SLC35F4: variants seen among roughly 807,000 people sequenced by gnomAD.
SLC35F4 encodes solute carrier family 35 member F4.
A neutral mutation model predicts 44.2 loss-of-function variants in SLC35F4; 24 were observed. That is an observed-to-expected ratio of 0.54 (90% CI 0.39 to 0.76). The LOEUF is 0.76. SLC35F4 is among the 30% of genes least tolerant of loss of function. The pLI is 0.00. For synonymous variants in SLC35F4, 238 were observed against 223.6 expected, an observed-to-expected ratio of 1.06 and a Z score of -0.57; for missense variants, 562 against 586.1, an observed-to-expected ratio of 0.96 and a Z score of 0.42.
At chr14:57,702,104 T>A (rs1349422685) in intron 1 of SLC35F4, among the ~76,000 whole-genome samples, 2 of 152,162 alleles carry the variant, frequency 1.3e-5, no homozygotes, top group Non-Finnish European at 2.9e-5. Context: ...AAAACAAACT[T>A]CTGCAAAGGC....
intron 1 of SLC35F4, among the ~76,000 whole-genome samples, chr14:57,651,340 A>G (rs551241568): frequency 2.2e-4 from 34 of 152,248 alleles, no homozygotes; most frequent in African/African-American, 7.0e-4. Context: ...TATTCTGACT[A>G]CCAAGAATTC....
intron 1 of SLC35F4, among the ~76,000 whole-genome samples, chr14:57,755,781 C>A (rs916165928): frequency 6.6e-6 from 1 of 152,182 alleles, no homozygotes. Context: ...TCACAATGAT[C>A]CCGCAAGGCA....
intron 1 of SLC35F4, among the ~76,000 whole-genome samples, chr14:57,883,820 C>T (rs753501232): frequency 6.6e-6 from 1 of 152,118 alleles, no homozygotes; most frequent in African/African-American, 2.4e-5. Context: ...TATTGAAGTG[C>T]TAATATAGTT....
chr14:57,699,090 C>A (rs1261197522), intron 1 of SLC35F4, among the ~76,000 whole-genome samples: 3 of 152,084 alleles, frequency 2.0e-5, no homozygotes, highest in Admixed American at 2.0e-4. Flanking sequence ...TGTAAGTCTG[C>A]CTTCTGTAGG....
intron 6 of SLC35F4, 119 bp from the exon 7 acceptor site, chr14:57,566,683 T>C (rs2068224282): frequency 2.1e-6 from 2 of 957,946 alleles, no homozygotes; most frequent in Non-Finnish European, 1.6e-6. Context: ...TCTATACCTT[T>C]GATCCTCTAA....
chr14:57,739,931 C>A (rs1186349138), intron 1 of SLC35F4, among the ~76,000 whole-genome samples: 1 of 152,186 alleles, frequency 6.6e-6, no homozygotes, highest in Non-Finnish European at 1.5e-5. Context: ...GTGATCTTGG[C>A]TCACCGAAAC....
At chr14:57,741,293 G>C (rs779802931) in intron 1 of SLC35F4, among the ~76,000 whole-genome samples, 1 of 152,176 alleles carries the variant, frequency 6.6e-6, no homozygotes, top group Non-Finnish European at 1.5e-5. Context: ...ACTTCTCCGA[G>C]CTAAAGGAGG....
At chr14:57,627,442 A>C (rs1365044283) in intron 1 of SLC35F4, among the ~76,000 whole-genome samples, 1 of 152,122 alleles carries the variant, frequency 6.6e-6, no homozygotes, top group Non-Finnish European at 1.5e-5. Context: ...TCCTTGGACC[A>C]GGGCTAAACA....
intron 1 of SLC35F4, among the ~76,000 whole-genome samples, chr14:57,680,008 C>T (rs2074839637): frequency 6.6e-6 from 1 of 152,034 alleles, no homozygotes; most frequent in African/African-American, 2.4e-5. Flanking sequence ...AGGGAATCCT[C>T]CCTAACTCAT....
intron 1 of SLC35F4, among the ~76,000 whole-genome samples, chr14:57,750,018 G>GT (rs2076845819): frequency 6.6e-6 from 1 of 152,098 alleles, no homozygotes; most frequent in South Asian, 2.1e-4. Flanking sequence ...TACTCGTTAA[G>GT]TAATTTCTCA....
chr14:57,811,233 G>C (rs1234790360), intron 1 of SLC35F4, among the ~76,000 whole-genome samples: 1 of 152,200 alleles, frequency 6.6e-6, no homozygotes, highest in African/African-American at 2.4e-5. Context: ...GGTGGGGAAA[G>C]GTAGAGTGGA....
chr14:57,854,922 T>C (rs1356427327), intron 1 of SLC35F4, among the ~76,000 whole-genome samples: 1 of 152,222 alleles, frequency 6.6e-6, no homozygotes, highest in African/African-American at 2.4e-5. Flanking sequence ...AATTTATACT[T>C]GTGTTTAAAT....
At chr14:57,941,006 A>G (rs1163103018) in intron 1 of SLC35F4, among the ~76,000 whole-genome samples, 1 of 152,314 alleles carries the variant, frequency 6.6e-6, no homozygotes, top group Non-Finnish European at 1.5e-5. Context: ...ACCTATTAGG[A>G]TGGCTGTAAT....
chr14:57,824,188 A>G (rs1883478145), intron 1 of SLC35F4, among the ~76,000 whole-genome samples: 1 of 152,194 alleles, frequency 6.6e-6, no homozygotes, highest in South Asian at 2.1e-4. Flanking sequence ...GTTTGCATGT[A>G]TCAGAAAAGT....
intron 1 of SLC35F4, among the ~76,000 whole-genome samples, chr14:57,702,339 A>C (rs2075564210): frequency 1.3e-5 from 2 of 151,680 alleles, no homozygotes; most frequent in African/African-American, 4.8e-5. Context: ...TTTAAAAAAA[A>C]AAAAAAAAAA....
At chr14:57,710,648 C>T (rs185037102) in intron 1 of SLC35F4, among the ~76,000 whole-genome samples, 15 of 152,208 alleles carry the variant, frequency 9.9e-5, no homozygotes, top group Admixed American at 5.2e-4. Flanking sequence ...CCATGGGAGT[C>T]GACCTCTTGC....
rs537021353 is a variant in SLC35F4, at chr14:57,670,200, G to A, written c.104-76076C>T. Among the ~76,000 whole-genome samples the A allele has an allele frequency of 7.6e-4, 115 of 151,986 alleles. No homozygotes were observed. In the South Asian group the frequency reaches 0.017, roughly 23 times the overall value. ...TATTCACTTTATCATTTTTTATTGCGTCTATTTGATTCTTCTCTCTTTTCT... is the reference window on the plus strand; with the variant it reads ...TATTCACTTTATCATTTTTTATTGCATCTATTTGATTCTTCTCTCTTTTCT... On this transcript the variant is annotated intron_variant, in intron 1 of 7. Transcript: ENST00000556826.
intron 1 of SLC35F4, among the ~76,000 whole-genome samples, chr14:57,822,383 C>G (rs966537816): frequency 1.4e-4 from 22 of 152,094 alleles, no homozygotes; most frequent in Admixed American, 1.4e-3. Flanking sequence ...AAATCAAGGT[C>G]AGCATTGTGA....
chr14:57,813,553 C>CA (rs1442254906), intron 1 of SLC35F4, among the ~76,000 whole-genome samples: 2 of 150,550 alleles, frequency 1.3e-5, no homozygotes, highest in South Asian at 2.1e-4. Context: ...GAGACTGTCT[C>CA]AAAAAAATAA....
Sources: gnomAD v4.1 joint callset for allele counts (sites outside exome capture counted in the v4.1 genomes callset) on GRCh38, gnomAD v4.1.1 for gene constraint, MANE v1.5 for transcripts, NCBI Gene and HGNC (gene_info 2026-07-23, HGNC 2026-07-21) for gene names.